The following NLGN1 variants were observed in gnomAD, a reference collection of about 807,000 sequenced individuals.
NLGN1 encodes the protein neuroligin-1.
NLGN1 carries 12 observed loss-of-function variants against 65.5 expected under a neutral mutation model. That is an observed-to-expected ratio of 0.18 (90% CI 0.12 to 0.30). The LOEUF (loss-of-function observed/expected upper bound fraction) is 0.30, where lower values mean the gene tolerates loss of function less well. Among genes scored for constraint, NLGN1 ranks in the 10% least tolerant of loss-of-function variants. The pLI, the probability that NLGN1 is intolerant of heterozygous loss-of-function variation, is 1.00. For synonymous variants in NLGN1, 350 were observed against 359.5 expected (o/e 0.97, Z 0.30); for missense variants, 750 against 1,007.1 (o/e 0.74, Z 3.46).
At chr3:173,458,986 C>A (rs1258128854) in intron 2 of NLGN1, among the ~76,000 whole-genome samples, 1 of 152,076 alleles carries the variant, frequency 6.6e-6, no homozygotes, top group Non-Finnish European at 1.5e-5. Flanking sequence ...AATATTGGAA[C>A]ATGTGCTTCA....
chr3:173,979,245 A>T (rs150500333), intron 4 of NLGN1, among the ~76,000 whole-genome samples: 187 of 151,790 alleles, frequency 1.2e-3, no homozygotes, highest in African/African-American at 4.4e-3. Flanking sequence ...AAAGAGAAAT[A>T]GATAGAGCAA....
intron 4 of NLGN1, among the ~76,000 whole-genome samples, chr3:173,850,478 GCTT>G (rs1402161178): frequency 6.6e-6 from 1 of 152,060 alleles, no homozygotes; most frequent in Non-Finnish European, 1.5e-5. Flanking sequence ...TTTACATTTA[GCTT>G]CTTCTAGTAC....
At chr3:173,679,023 T>C (rs1185250332) in intron 3 of NLGN1, among the ~76,000 whole-genome samples, 2 of 151,912 alleles carry the variant, frequency 1.3e-5, no homozygotes, top group Non-Finnish European at 2.9e-5. Flanking sequence ...TTGGTTTAGG[T>C]ATGTTATTGA....
chr3:173,612,766 ATTG>A lies in NLGN1; in HGVS notation c.493+7684_493+7686del, dbSNP rs1415077783. Among the ~76,000 whole-genome samples the A allele has an allele frequency of 3.3e-5, 5 of 152,200 alleles. No individual in the cohort carries two copies. In the South Asian group the frequency reaches 6.2e-4, roughly 19 times the overall value. ...CAAACTGGGTAGCGTAAACAGCAGA[ATTG>A]TTGTTGTTTTGCAGTTCTGGAGACT... is the stretch of plus-strand genomic sequence containing the variant. On this transcript the variant is annotated intron_variant, in intron 3 of 6. Transcript: ENST00000457714.
chr3:173,744,118 T>G (rs958147331), intron 3 of NLGN1, among the ~76,000 whole-genome samples: 1 of 152,120 alleles, frequency 6.6e-6, no homozygotes, highest in Non-Finnish European at 1.5e-5. Flanking sequence ...AATCAACATT[T>G]ATATCTGTGC....
intron 4 of NLGN1, among the ~76,000 whole-genome samples, chr3:174,169,636 G>T (rs1250639013): frequency 6.6e-6 from 1 of 152,108 alleles, no homozygotes; most frequent in East Asian, 1.9e-4. Flanking sequence ...CTGCCTGGGA[G>T]TAGAGTAGAA....
intron 4 of NLGN1, among the ~76,000 whole-genome samples, chr3:174,045,599 T>G (rs186779811): frequency 6.6e-5 from 10 of 152,276 alleles, no homozygotes; most frequent in Admixed American, 6.5e-4. Context: ...ACATTTTACC[T>G]TGTGGGAAGT....
intron 4 of NLGN1, among the ~76,000 whole-genome samples, chr3:174,171,561 A>G (rs1035487394): frequency 6.6e-6 from 1 of 152,168 alleles, no homozygotes; most frequent in East Asian, 1.9e-4. Context: ...AGAGATCTTT[A>G]ATGTTGAAAA....
At chr3:173,802,329 G>T (rs938717279) in intron 3 of NLGN1, among the ~76,000 whole-genome samples, 1 of 152,090 alleles carries the variant, frequency 6.6e-6, no homozygotes, top group African/African-American at 2.4e-5. Context: ...ATGTCAGGTA[G>T]TATTCAGGTT....
downstream of NLGN1, among the ~76,000 whole-genome samples, chr3:174,289,957 A>ATATATATATGTATATATATGTGTG (rs1340096614): frequency 9.6e-5 from 4 of 41,550 alleles, no homozygotes; most frequent in East Asian, 5.1e-4. Flanking sequence ...ATATATGTGT[A>ATATATATATGTATATATATGTGTG]TATATATATA....
intron 3 of NLGN1, among the ~76,000 whole-genome samples, chr3:173,638,579 T>A (rs1756951100): frequency 6.6e-6 from 1 of 152,128 alleles, no homozygotes; most frequent in African/African-American, 2.4e-5. Flanking sequence ...GTATGTTTAT[T>A]TGTCTTTTGT....
At chr3:173,796,618 T>C (rs540526634) in intron 3 of NLGN1, among the ~76,000 whole-genome samples, 45 of 152,234 alleles carry the variant, frequency 3.0e-4, no homozygotes, top group Non-Finnish European at 1.0e-4. Context: ...GTTATGTGTG[T>C]GTTCCTCAGG....
intron 2 of NLGN1, among the ~76,000 whole-genome samples, chr3:173,539,611 ATATAT>A (rs1334290909): frequency 2.7e-4 from 36 of 131,636 alleles, no homozygotes; most frequent in African/African-American, 1.1e-3. Flanking sequence ...TATGTATGTT[ATATAT>A]TATATATTTA....
chr3:174,262,230 C>G (rs1423968369), intron 4 of NLGN1, among the ~76,000 whole-genome samples: 1 of 103,258 alleles, frequency 9.7e-6, no homozygotes, highest in East Asian at 2.8e-4. Flanking sequence ...CCCTCTTTTT[C>G]TATTGATTGG....
chr3:173,587,243 C>G (rs1176823061), intron 2 of NLGN1, among the ~76,000 whole-genome samples: 2 of 152,154 alleles, frequency 1.3e-5, no homozygotes, highest in African/African-American at 2.4e-5. Context: ...CTATTATATT[C>G]TCTTTTGTCA....
intron 3 of NLGN1, among the ~76,000 whole-genome samples, chr3:173,630,327 G>A (rs548576986): frequency 6.6e-6 from 1 of 152,094 alleles, no homozygotes; most frequent in Non-Finnish European, 1.5e-5. Flanking sequence ...ATCCCTAACT[G>A]TAATAGTCAC....
At chr3:173,909,053 C>A (rs1038398078) in intron 4 of NLGN1, among the ~76,000 whole-genome samples, 10 of 152,184 alleles carry the variant, frequency 6.6e-5, no homozygotes, top group African/African-American at 2.4e-4. Flanking sequence ...GATCATTTTT[C>A]CATTACTGGC....
At chr3:173,860,982 A>G (rs1449596826) in intron 4 of NLGN1, among the ~76,000 whole-genome samples, 2 of 152,150 alleles carry the variant, frequency 1.3e-5, no homozygotes. Flanking sequence ...CAACATAAAT[A>G]TGGACAAACA....
Position 173,655,159 on chromosome 3 carries a change from A to G in NLGN1, c.493+50068A>G, listed in dbSNP as rs2149664477. Among the ~76,000 whole-genome samples the G allele has an allele frequency of 3.9e-5, 6 of 152,290 alleles. No homozygotes were observed. The Middle Eastern group carries it at 0.017, about 432-fold the overall frequency. ...GCAGGGAGGACCTCAGAAGGGGAAA[A>G]GCTAAATAAGTATTTTAACGGAAAG... On this transcript the variant is annotated intron_variant, in intron 3 of 6. Coordinates refer to ENST00000457714, the Ensembl canonical transcript of NLGN1.
Sources: allele counts gnomAD v4.1 joint callset (sites outside exome capture counted in the v4.1 genomes callset), GRCh38; gene constraint gnomAD v4.1.1; transcripts MANE v1.5; gene names NCBI Gene and HGNC (gene_info 2026-07-23, HGNC 2026-07-21).